RERE: variants seen among roughly 807,000 people sequenced by gnomAD.
The protein encoded by RERE is arginine-glutamic acid dipeptide repeats protein.
Under a neutral mutation model 146.1 loss-of-function variants are expected in RERE, and 40 were observed. That is an observed-to-expected ratio of 0.27 (90% CI 0.21 to 0.36). RERE has a LOEUF of 0.36. Ranked by LOEUF, RERE falls within the 10% of genes least tolerant of loss-of-function variation. The pLI, the probability that RERE is intolerant of heterozygous loss-of-function variation, is 1.00. For synonymous variants in RERE, 1,003 were observed against 866.0 expected, an observed-to-expected ratio of 1.16 and a Z score of -2.78; for missense variants, 1,933 against 2,138.7, an observed-to-expected ratio of 0.90 and a Z score of 1.90.
intron 12 of RERE, among the ~76,000 whole-genome samples, chr1:8,368,554 G>A (rs532230620): frequency 4.0e-5 from 6 of 151,816 alleles, no homozygotes; most frequent in African/African-American, 1.4e-4. Flanking sequence ...GACCAAAAAC[G>A]GGAGAGAAAA....
chr1:8,658,651 G>A lies in RERE; in HGVS notation c.-144-2210C>T, dbSNP rs1327613329. On this transcript the variant is annotated intron_variant, in intron 1 of 22. Coordinates refer to ENST00000400908, the MANE Select transcript of RERE (RefSeq NM_001042681.2). ...GGACACCTGTAGTCCCAGCTACTCG[G>A]GAGGCTGAGTTAGGAGAACCGCTTG... Among the ~76,000 whole-genome samples the A allele has an allele frequency of 2.0e-5, 3 of 151,960 alleles. No homozygotes were observed. The East Asian group carries it at 5.8e-4, about 29-fold the overall frequency.
intron 6 of RERE, among the ~76,000 whole-genome samples, chr1:8,545,777 G>A (rs1156574424): frequency 2.0e-5 from 3 of 148,122 alleles, no homozygotes; most frequent in South Asian, 4.2e-4. Context: ...TCCGCCTCCC[G>A]GGTTCAAGCA....
chr1:8,624,019 C>T (rs1181048259), intron 3 of RERE, among the ~76,000 whole-genome samples: 1 of 152,178 alleles, frequency 6.6e-6, no homozygotes, highest in African/African-American at 2.4e-5. Context: ...TGAGAAGAAA[C>T]AAGCTACTTC....
chr1:8,549,881 A>G (rs1160958384), intron 6 of RERE, among the ~76,000 whole-genome samples: 1 of 152,250 alleles, frequency 6.6e-6, no homozygotes, highest in Non-Finnish European at 1.5e-5. Context: ...TTGATCAATA[A>G]TATTTACAAT....
At chr1:8,809,614 A>G (rs1641755260) in intron 1 of RERE, among the ~76,000 whole-genome samples, 1 of 152,230 alleles carries the variant, frequency 6.6e-6, no homozygotes, top group Non-Finnish European at 1.5e-5. Context: ...GAATTAGGAA[A>G]GGTCTCACAG....
At chr1:8,629,709 C>T (rs76054905) in intron 2 of RERE, among the ~76,000 whole-genome samples, 2,310 of 152,274 alleles carry the variant, frequency 0.015, 59 homozygotes, top group African/African-American at 0.053. Context: ...AGCAGTGCCA[C>T]ACACGCCAGT....
chr1:8,392,060 G>A lies in RERE; in HGVS notation c.1285-26086C>T, dbSNP rs374512594. On this transcript the variant is annotated intron_variant, in intron 12 of 22. Coordinates refer to ENST00000400908, the MANE Select transcript of RERE (RefSeq NM_001042681.2). ...TAAATAAATAAAATTCTAGAAACCA[G>A]GGAACATGTCTTTTGTTTATTGCTG... Among the ~76,000 whole-genome samples the A allele has an allele frequency of 1.8e-4, 27 of 152,244 alleles. 1 individual carries two copies. The highest frequency in any genetic ancestry group is 6.3e-4 in the African/African-American group (26 of 41,532).
intron 1 of RERE, among the ~76,000 whole-genome samples, chr1:8,705,854 C>G (rs1329860394): frequency 6.6e-6 from 1 of 152,138 alleles, no homozygotes; most frequent in Non-Finnish European, 1.5e-5. Context: ...CGGTGGCTCA[C>G]GCCTATAATC....
chr1:8,679,323 C>T (rs1638913278), intron 1 of RERE, among the ~76,000 whole-genome samples: 1 of 152,154 alleles, frequency 6.6e-6, no homozygotes, highest in Non-Finnish European at 1.5e-5. Flanking sequence ...CAATCTAAGG[C>T]TTTATTCTTC....
chr1:8,501,953 C>T (rs1335848839), intron 8 of RERE, among the ~76,000 whole-genome samples: 7 of 92,260 alleles, frequency 7.6e-5, no homozygotes, highest in Non-Finnish European at 1.4e-4. Flanking sequence ...ATCAGCCCCC[C>T]GCCCGGCCAG....
At chr1:8,386,966 C>T (rs1642699439) in intron 12 of RERE, among the ~76,000 whole-genome samples, 1 of 152,108 alleles carries the variant, frequency 6.6e-6, no homozygotes, top group Non-Finnish European at 1.5e-5. Flanking sequence ...AAAATCCCAG[C>T]TGGTTAGTTT....
At chr1:8,494,939 A>G (rs1367033426) in intron 10 of RERE, 124 bp downstream of exon 10, 1 of 706,562 alleles carries the variant, frequency 1.4e-6, no homozygotes, top group East Asian at 2.7e-5. Flanking sequence ...CCCAACAGCC[A>G]AGACCACAAC....
chr1:8,502,678 G>A (rs893788536), intron 8 of RERE, among the ~76,000 whole-genome samples: 38 of 150,766 alleles, frequency 2.5e-4, no homozygotes, highest in Middle Eastern at 3.4e-3. Context: ...TTGAGAAATC[G>A]GATGGTTGCC....
chr1:8,553,051 T>A (rs1052756982), intron 6 of RERE, among the ~76,000 whole-genome samples: 1 of 149,646 alleles, frequency 6.7e-6, no homozygotes, highest in Non-Finnish European at 1.5e-5. Context: ...CACACACACG[T>A]GACACACCAG....
rs774301701 is a variant in RERE at position 8,465,997 on chromosome 1, G to A, written c.1131C>T (p.Gly377=). ...NTLHESGYDA[G]KALQRLVKKP... ...TCTTCACCAGGCGCTGCAGGGCTTTGCCAGCATCGTAACCGCTTTCATGCA... is the reference window on the plus strand; with the variant it reads ...TCTTCACCAGGCGCTGCAGGGCTTTACCAGCATCGTAACCGCTTTCATGCA... The change falls in exon 11 of 23, where the codon GGC becomes GGT. Residue 377 remains glycine, a synonymous_variant. Coordinates refer to ENST00000400908, the MANE Select transcript of RERE (RefSeq NM_001042681.2). The A allele has an allele frequency of 1.9e-6, 3 of 1,612,030 alleles. No homozygotes were observed. Among genetic ancestry groups the A allele is most frequent in the Admixed American group, 1.7e-5 (1 of 59,922 alleles).
intron 4 of RERE, among the ~76,000 whole-genome samples, chr1:8,591,368 G>C (rs922891279): frequency 6.6e-6 from 1 of 151,754 alleles, no homozygotes; most frequent in African/African-American, 2.4e-5. Flanking sequence ...GAAGCCACTG[G>C]CTGTTTTTGA....
At chr1:8,634,896 C>T (rs535468722) in intron 2 of RERE, among the ~76,000 whole-genome samples, 2 of 152,164 alleles carry the variant, frequency 1.3e-5, no homozygotes, top group South Asian at 2.1e-4. Context: ...CCACCACGCC[C>T]GGCTAATTTT....
chr1:8,614,483 G>C, intron 4 of RERE, 78 bp downstream of exon 4: 1 of 1,412,420 alleles, frequency 7.1e-7, no homozygotes, highest in Non-Finnish European at 9.7e-7. Flanking sequence ...GGGGCTCTGG[G>C]GAGGGAGGTA....
chr1:8,601,168 C>A (rs566437098), intron 4 of RERE, among the ~76,000 whole-genome samples: 1 of 151,430 alleles, frequency 6.6e-6, no homozygotes, highest in Non-Finnish European at 1.5e-5. Flanking sequence ...TACTAGCGTG[C>A]GCCACCATGC....
Sources: gnomAD v4.1 joint callset for allele counts (sites outside exome capture counted in the v4.1 genomes callset) on GRCh38, gnomAD v4.1.1 for gene constraint, MANE v1.5 for transcripts, NCBI Gene and HGNC (gene_info 2026-07-23, HGNC 2026-07-21) for gene names.